ASTL: variants seen among roughly 807,000 people sequenced by gnomAD.
The protein encoded by ASTL is astacin like metalloendopeptidase.
ASTL carries 27 observed loss-of-function variants against 36.7 expected under a neutral mutation model. The ratio of observed to expected loss-of-function variants is 0.73; its 90% CI spans 0.54 to 1.01. The LOEUF (loss-of-function observed/expected upper bound fraction) is 1.01, where lower values mean the gene tolerates loss of function less well. ASTL is among the 50% of genes least tolerant of loss of function. The probability of loss-of-function intolerance (pLI) is 0.00; values close to 1 mark genes in which losing one functional copy is unlikely to be tolerated. For synonymous variants in ASTL, 222 were observed against 228.1 expected (o/e 0.97, Z 0.24); for missense variants, 524 against 572.8 (o/e 0.91, Z 0.87).
chr2:96,131,795 C>T (rs149757656), intron 6 of ASTL, among the ~76,000 whole-genome samples: 56 of 152,294 alleles, frequency 3.7e-4, no homozygotes, highest in Non-Finnish European at 6.8e-4. Context: ...CCTCCACCTG[C>T]GGTAGGCCTT....
Position 96,124,861 on chromosome 2 carries a change from G to A in ASTL, c.875-590C>T, listed in dbSNP as rs1249538339. Reference sequence around the variant, plus strand: ...CAGTTCCTCCTGCGCATGCAGCGAGGGCTTCACCAGGAGCCTCTTCCCTCA... The same window carrying A: ...CAGTTCCTCCTGCGCATGCAGCGAGAGCTTCACCAGGAGCCTCTTCCCTCA... On this transcript the variant is annotated intron_variant, in intron 8 of 8. Coordinates refer to ENST00000342380, the MANE Select transcript of ASTL (RefSeq NM_001002036.4). The surrounding 1 kb of genome is among the most constrained non-coding windows in gnomAD (Gnocchi z 4.1). Among the ~76,000 whole-genome samples the A allele has an allele frequency of 2.0e-5, 3 of 152,070 alleles. No homozygotes were observed. Among genetic ancestry groups the A allele is most frequent in the Admixed American group, 6.5e-5 (1 of 15,272 alleles).
At position 96,123,403 on chromosome 2, in the gene ASTL, G is replaced by A. The variant is rs1293046493; in HGVS notation, c.*447C>T. On this transcript the variant is annotated 3_prime_UTR_variant, in exon 9 of 9. Coordinates refer to ENST00000342380, the MANE Select transcript of ASTL (RefSeq NM_001002036.4). The stretch of plus-strand genomic sequence containing the variant: ...ACACTTGGGCATGTTGGGTGGGATG[G>A]GAGGCTGTTCCCAGGGTCCCAGCCA... Among the ~76,000 whole-genome samples, 1 of 152,218 alleles carries A rather than the reference G, an allele frequency of 6.6e-6. No homozygotes were observed. The highest frequency in any genetic ancestry group is 1.5e-5 in the Non-Finnish European group (1 of 68,030).
In ASTL at chr2:96,124,095, G is replaced by A. The variant is rs1682014381; in HGVS notation, c.1051C>T (p.Leu351=). Reference sequence around the variant, plus strand: ...GAGGCCTCTGCACTGAGCTTTTTCAGGGCAGGGGACTCCCACCCATGTGGG... The same window carrying A: ...GAGGCCTCTGCACTGAGCTTTTTCAAGGCAGGGGACTCCCACCCATGTGGG... ...ESPHGWESPA[L]KKLSAEASAR... Residue 351 remains leucine, a synonymous_variant, in exon 9 of 9, where the codon CTG becomes TTG. Coordinates refer to ENST00000342380, the MANE Select transcript of ASTL (RefSeq NM_001002036.4). This position sits in a 1 kb window ranked among gnomAD's most constrained non-coding sequence, Gnocchi z 4.1. 6.2e-6 allele frequency: 10 copies of A among 1,608,446 alleles called. No individual in the cohort carries two copies. Among genetic ancestry groups the A allele is most frequent in the South Asian group, 2.2e-5 (2 of 90,776 alleles).
At position 96,132,792 on chromosome 2, in the gene ASTL, C is replaced by G. The variant is rs1573914563; in HGVS notation, c.456-71G>C. 2 of 1,409,664 alleles carry G rather than the reference C, an allele frequency of 1.4e-6. No homozygotes were observed. The highest frequency in any genetic ancestry group is 1.9e-6 in the Non-Finnish European group (2 of 1,030,574). The allele number at this position is 1,409,664 out of a possible 1,614,324, so 87.3% of individuals were successfully genotyped here. On this transcript the variant is annotated intron_variant, in intron 5 of 8. Transcript: ENST00000342380. The surrounding 1 kb of genome is among the most constrained non-coding windows in gnomAD (Gnocchi z 5.4). ...CTCCGGACATACAGACCTGGGCTCT[C>G]CCTCCCCACACAACACAAGATAGAC...
At chr2:96,125,219 G>A (rs950968706) in intron 8 of ASTL, among the ~76,000 whole-genome samples, 4 of 152,030 alleles carry the variant, frequency 2.6e-5, no homozygotes, top group Non-Finnish European at 5.9e-5. Context: ...CACACCTGCC[G>A]CCAGACCCAG....
chr2:96,135,372 G>T lies in ASTL; in HGVS notation c.222C>A (p.Ile74=). Residue 74 remains isoleucine, a synonymous_variant, in exon 3 of 9, where the codon ATC becomes ATA. Coordinates refer to ENST00000342380, the MANE Select transcript of ASTL (RefSeq NM_001002036.4). ...TCACCGGCCGGATGATGTCCCCCTC[G>T]ATGAGGAAGCTGCTCTCTGGGGTTT... The part of the protein sequence containing the change: ...LEETPESSFL[I]EGDIIRPSPF... The T allele has an allele frequency of 5.0e-6, 8 of 1,614,168 alleles. No homozygotes were observed. The highest frequency in any genetic ancestry group is 6.8e-6 in the Non-Finnish European group (8 of 1,180,016).
In ASTL at chr2:96,132,400, G is replaced by A. The variant is rs141578566; in HGVS notation, c.637+140C>T. 4,308 of 757,072 alleles carry A rather than the reference G, an allele frequency of 5.7e-3. 32 individuals are homozygous for A. Among genetic ancestry groups the A allele is most frequent in the South Asian group, 0.023 (1,116 of 49,416 alleles). The allele number at this position is 757,072 out of a possible 1,614,324, so 46.9% of individuals were successfully genotyped here. The stretch of plus-strand genomic sequence containing the variant: ...CAGGTACCAGGTACCAGACAGAAGT[G>A]AGACCCCCACCTTCCCCACAGGAAG... On this transcript the variant is annotated intron_variant, in intron 6 of 8. Transcript: ENST00000342380. This position sits in a 1 kb window ranked among gnomAD's most constrained non-coding sequence, Gnocchi z 5.4.
chr2:96,136,711 T>C (rs1293780490), intron 2 of ASTL, among the ~76,000 whole-genome samples: 4 of 152,214 alleles, frequency 2.6e-5, no homozygotes, highest in South Asian at 4.1e-4. Flanking sequence ...TTCAGCCCGA[T>C]TGCTTCAACC....
rs183923127 is a variant in ASTL, at chr2:96,135,048, C to T, written c.243+303G>A. On this transcript the variant is annotated intron_variant, in intron 3 of 8. Transcript: ENST00000342380. The stretch of plus-strand genomic sequence containing the variant: ...TCTCTTCCTTTATCTGAGCACCTCC[C>T]GAGTGCTGAGCACCTCCCCTGGGCA... Among the ~76,000 whole-genome samples the T allele has an allele frequency of 3.9e-5, 6 of 152,290 alleles. No individual in the cohort carries two copies. In the East Asian group the frequency reaches 5.8e-4, roughly 15 times the overall value.
intron 6 of ASTL, among the ~76,000 whole-genome samples, chr2:96,131,183 CTT>C (rs1235847396): frequency 1.3e-5 from 2 of 152,196 alleles, no homozygotes; most frequent in African/African-American, 2.4e-5. Flanking sequence ...TTTCATTTAA[CTT>C]GGGTTGACAT....
rs531957487 is a variant in ASTL at position 96,134,657 on chromosome 2, C to T, written c.244-599G>A. On this transcript the variant is annotated intron_variant, in intron 3 of 8. Transcript: ENST00000342380. ...GCACTCACTGCATAACCCAGAGGGT[C>T]TGCCCTGCCCCCGGAGTTCCTGGGC... Among the ~76,000 whole-genome samples, 19 of 152,344 alleles carry T rather than the reference C, an allele frequency of 1.2e-4. 1 individual carries two copies. Among genetic ancestry groups the T allele is most frequent in the Admixed American group, 3.3e-4 (5 of 15,314 alleles).
Position 96,132,576 on chromosome 2 carries a change from G to C in ASTL, c.601C>G (p.Arg201Gly), listed in dbSNP as rs763044820. The C allele has an allele frequency of 6.2e-7, 1 of 1,610,226 alleles. No homozygotes were observed. The highest frequency in any genetic ancestry group is 1.3e-5 in the African/African-American group (1 of 74,854). The change falls in exon 6 of 9, where the codon CGC (arginine) becomes GGC (glycine). Residue 201 changes from arginine to glycine, a missense_variant. Transcript: ENST00000342380. This position sits in a 1 kb window ranked among gnomAD's most constrained non-coding sequence, Gnocchi z 5.4. ...TCGTTCCAGTTGACACGGATATAGC[G>C]GTCCCGGTCGGCCCGCGTGTGCTCG... ...WHEHTRADRD[R>G]YIRVNWNEIL...
chr2:96,127,026 C>T (rs1038706199), intron 8 of ASTL, among the ~76,000 whole-genome samples: 5 of 152,210 alleles, frequency 3.3e-5, no homozygotes, highest in Non-Finnish European at 7.3e-5. Flanking sequence ...AAGTGTCCCT[C>T]AACTGGTGAC....
Position 96,133,491 on chromosome 2 carries a change from G to A in ASTL, c.389C>T (p.Ser130Phe), listed in dbSNP as rs747187625. ...ILEALAEFER[S>F]TCIRFVTYQD... is the part of the protein sequence containing the mutation. Reference sequence around the variant, plus strand: ...ATAGGTGACAAACCTGATGCACGTGGAACGTTCAAACTCCGCAAGAGCCTC... The same window carrying A: ...ATAGGTGACAAACCTGATGCACGTGAAACGTTCAAACTCCGCAAGAGCCTC... The change falls in exon 5 of 9, where the codon TCC becomes TTC. Residue 130 changes from serine (S) to phenylalanine (F), a missense_variant. Transcript: ENST00000342380. 20 of 1,614,208 alleles carry A rather than the reference G, an allele frequency of 1.2e-5. 1 individual carries two copies. In the South Asian group the frequency reaches 2.0e-4, roughly 16 times the overall value.
At position 96,132,259 on chromosome 2, in the gene ASTL, G is replaced by A. The variant is rs557185129; in HGVS notation, c.637+281C>T. Among the ~76,000 whole-genome samples, 1 of 152,292 alleles carries A rather than the reference G, an allele frequency of 6.6e-6. No individual in the cohort carries two copies. Among genetic ancestry groups the A allele is most frequent in the East Asian group, 1.9e-4 (1 of 5,168 alleles). On this transcript the variant is annotated intron_variant, in intron 6 of 8. Transcript: ENST00000342380. This position sits in a 1 kb window ranked among gnomAD's most constrained non-coding sequence, Gnocchi z 5.4. ...CTGCCTGCCCCATCGCCAGGGAGAG[G>A]ACAGTGTCAGGGATGAGAAGCGAGA... is the stretch of plus-strand genomic sequence containing the variant.
intron 1 of ASTL, among the ~76,000 whole-genome samples, 163 bp downstream of exon 1, chr2:96,138,219 T>C (rs541024738): frequency 7.8e-4 from 119 of 152,266 alleles, no homozygotes; most frequent in Non-Finnish European, 1.0e-3. Flanking sequence ...GGCCTCCCCT[T>C]GGCCCCCCAG....
chr2:96,126,401 G>T (rs1682064058), intron 8 of ASTL, among the ~76,000 whole-genome samples: 1 of 152,158 alleles, frequency 6.6e-6, no homozygotes, highest in Admixed American at 6.5e-5. Context: ...ATTAAAAGAT[G>T]TTCATCATTA....
intron 7 of ASTL, 26 bp downstream of exon 7, chr2:96,130,038 G>C (rs1025406269): frequency 3.7e-6 from 6 of 1,613,580 alleles, no homozygotes; most frequent in Non-Finnish European, 3.4e-6. Context: ...GGGGGAAGCA[G>C]AGGGAGAAGA....
chr2:96,124,377 A>C lies in ASTL; in HGVS notation c.875-106T>G. The C allele has an allele frequency of 9.5e-7, 1 of 1,050,090 alleles. No homozygotes were observed. Among genetic ancestry groups the C allele is most frequent in the Non-Finnish European group, 1.3e-6 (1 of 769,994 alleles). 65.0% of individuals were successfully genotyped at this position (1,050,090 alleles called of 1,614,324 possible). On this transcript the variant is annotated intron_variant, in intron 8 of 8. Coordinates refer to ENST00000342380, the MANE Select transcript of ASTL (RefSeq NM_001002036.4). This position sits in a 1 kb window ranked among gnomAD's most constrained non-coding sequence, Gnocchi z 4.1. ...CAGCTCACAGGAGTGGTGCCCACCC[A>C]TGCCACGGCCTAGTGCATCCAAGAC...
Sources: allele counts gnomAD v4.1 joint callset (sites outside exome capture counted in the v4.1 genomes callset), GRCh38; gene constraint gnomAD v4.1.1; non-coding constraint Gnocchi (gnomAD v3.1); transcripts MANE v1.5; gene names NCBI Gene and HGNC (gene_info 2026-07-23, HGNC 2026-07-21).